SLC26A8: variants seen among roughly 807,000 people sequenced by gnomAD.
The protein encoded by SLC26A8 is solute carrier family 26 member 8, also known as testis anion transporter 1.
Under a neutral mutation model 105.0 loss-of-function variants are expected in SLC26A8, and 70 were observed. The ratio of observed to expected loss-of-function variants is 0.67; its 90% CI spans 0.55 to 0.81. The LOEUF (loss-of-function observed/expected upper bound fraction) is 0.81, where lower values mean the gene tolerates loss of function less well. Ranked by LOEUF, SLC26A8 falls within the 40% of genes least tolerant of loss-of-function variation. The pLI, the probability that SLC26A8 is intolerant of heterozygous loss-of-function variation, is 0.00. For missense variants in SLC26A8, 998 were observed against 1,181.8 expected, an observed-to-expected ratio of 0.84 and a Z score of 2.28; for synonymous variants, 415 against 438.3, an observed-to-expected ratio of 0.95 and a Z score of 0.66.
intron 1 of SLC26A8, 85 bp downstream of exon 1, chr6:36,024,419 C>T (rs758135272): frequency 8.9e-6 from 4 of 450,654 alleles, no homozygotes; most frequent in South Asian, 4.7e-5. Flanking sequence ...CTGCGGCATA[C>T]CTGGGTACCT....
Position 36,004,521 on chromosome 6 carries a change from C to A in SLC26A8, c.329-4413G>T, listed in dbSNP as rs140108464. Among the ~76,000 whole-genome samples, 235 of 151,388 alleles carry A rather than the reference C, an allele frequency of 1.6e-3. 2 individuals are homozygous for A. Among genetic ancestry groups the A allele is most frequent in the Middle Eastern group, 0.014 (4 of 294 alleles). ...AATTTTCTTTATATTCTTTTGAATT[C>A]TTTGCATAAAAATCATCTGTGAATA... On this transcript the variant is annotated intron_variant, in intron 3 of 19. Coordinates refer to ENST00000490799, the MANE Select transcript of SLC26A8 (RefSeq NM_052961.4).
rs549919989 is a variant in SLC26A8 at position 35,974,186 on chromosome 6, C to T, written c.1287+1189G>A. Among the ~76,000 whole-genome samples, 8 of 152,192 alleles carry T rather than the reference C, an allele frequency of 5.3e-5. No individual in the cohort carries two copies. The East Asian group carries it at 1.2e-3, about 22-fold the overall frequency. On this transcript the variant is annotated intron_variant, in intron 10 of 19. Transcript: ENST00000490799. ...TACAAATGTTAGCTGGATGTCGTGG[C>T]GGATGCCTGTAATCCCAGCTACTCG...
chr6:35,950,805 G>A (rs62403677), intron 19 of SLC26A8, among the ~76,000 whole-genome samples: 9 of 152,124 alleles, frequency 5.9e-5, no homozygotes, highest in Admixed American at 5.9e-4. Flanking sequence ...AGCTAGGGGA[G>A]ACATTTAGAA....
rs779362379 is a variant in SLC26A8, at chr6:35,992,596, C to T, written c.706G>A (p.Val236Met). 2.5e-6 allele frequency: 4 copies of T among 1,614,122 alleles called. No homozygotes were observed. The South Asian group carries it at 4.4e-5, about 18-fold the overall frequency. ...ESAMSAYLAA[V>M]ALHIMLSQLT... ...TGGGACAGCATGATATGAAGTGCCACAGCAGCCAGGTAAGCACTCATTGCA... is the reference window on the plus strand; with the variant it reads ...TGGGACAGCATGATATGAAGTGCCATAGCAGCCAGGTAAGCACTCATTGCA... Residue 236 changes from valine to methionine, a missense_variant, in exon 6 of 20, where the codon GTG (valine) becomes ATG (methionine). Physicochemically the swap from Val to Met is conservative, Grantham distance 21. Transcript: ENST00000490799.
chr6:36,003,642 A>C (rs1383739159), intron 3 of SLC26A8, among the ~76,000 whole-genome samples: 1 of 150,536 alleles, frequency 6.6e-6, no homozygotes, highest in African/African-American at 2.4e-5. Context: ...GTTTATGATA[A>C]TAATTTCTTT....
intron 15 of SLC26A8, 38 bp downstream of exon 15, chr6:35,959,676 G>A (rs757854821): frequency 1.9e-6 from 3 of 1,604,148 alleles, no homozygotes; most frequent in Non-Finnish European, 2.6e-6. Context: ...GTGGCGGGGA[G>A]TGGGCAGGTT....
At chr6:35,949,952 C>T (rs1024550132) in intron 19 of SLC26A8, among the ~76,000 whole-genome samples, 23 of 151,964 alleles carry the variant, frequency 1.5e-4, no homozygotes, top group African/African-American at 5.1e-4. Context: ...ACTACAGGCG[C>T]GTGCCACCAC....
chr6:35,944,724 A>G (rs1771607609), intron 19 of SLC26A8, among the ~76,000 whole-genome samples: 1 of 151,898 alleles, frequency 6.6e-6, no homozygotes, highest in Admixed American at 6.6e-5. Context: ...AAACAAACAA[A>G]AAAACCCAGA....
chr6:35,977,295 G>C lies in SLC26A8; in HGVS notation c.1082C>G (p.Ala361Gly), dbSNP rs753567658. The change falls in exon 9 of 20, where the codon GCC (alanine) becomes GGC (glycine). Residue 361 changes from alanine to glycine, a missense_variant. By Grantham distance (60) the Ala-to-Gly change is moderately conservative (BLOSUM62 0). Transcript: ENST00000490799. ...FSLLPKIILQ[A>G]FSLSLVSSFL... ...GGAGCTCACCAAAGATAAGGAGAAG[G>C]CTTGTAAAATTATCTTGGGAAGAAG... The C allele has an allele frequency of 6.2e-7, 1 of 1,613,894 alleles. No individual in the cohort carries two copies. Among genetic ancestry groups the C allele is most frequent in the African/African-American group, 1.3e-5 (1 of 74,904 alleles).
At chr6:36,014,047 G>T (rs1761933036) in intron 2 of SLC26A8, among the ~76,000 whole-genome samples, 1 of 152,224 alleles carries the variant, frequency 6.6e-6, no homozygotes, top group Non-Finnish European at 1.5e-5. Flanking sequence ...CGGCAGCCAT[G>T]AGTAAGACCA....
In SLC26A8 at chr6:35,949,908, C is replaced by A. The variant is rs148600629; in HGVS notation, c.2472+1255G>T. On this transcript the variant is annotated intron_variant, in intron 19 of 19. Transcript: ENST00000490799. Reference sequence around the variant, plus strand: ...GCAACCTCTGCCTCCTGGGTTCAAGCGATTCTCCTGCCTCAGCCTCCCAAG... The same window carrying A: ...GCAACCTCTGCCTCCTGGGTTCAAGAGATTCTCCTGCCTCAGCCTCCCAAG... Among the ~76,000 whole-genome samples, 4 of 151,648 alleles carry A rather than the reference C, an allele frequency of 2.6e-5. No homozygotes were observed. In the East Asian group the frequency reaches 7.8e-4, roughly 30 times the overall value.
chr6:35,982,290 T>A, intron 7 of SLC26A8, 87 bp from the exon 8 acceptor site: 2 of 1,306,362 alleles, frequency 1.5e-6, no homozygotes, highest in African/African-American at 1.5e-5. Context: ...GCCCATTGCC[T>A]CTGGCAGGAC....
At chr6:36,017,754 A>T (rs1480364870) in intron 2 of SLC26A8, among the ~76,000 whole-genome samples, 1 of 152,226 alleles carries the variant, frequency 6.6e-6, no homozygotes, top group Non-Finnish European at 1.5e-5. Flanking sequence ...ATTATATAAG[A>T]TTTACAAACA....
chr6:35,953,903 G>A (rs1176081636), intron 17 of SLC26A8, among the ~76,000 whole-genome samples: 6 of 152,124 alleles, frequency 3.9e-5, no homozygotes, highest in East Asian at 1.9e-4. Context: ...AGAGGCAGTC[G>A]TATTCCCTTA....
In SLC26A8 at chr6:35,959,443, GAA is replaced by G. The variant is rs779366030; in HGVS notation, c.1863+15_1863+16del. On this transcript the variant is annotated intron_variant, in intron 16 of 19. Coordinates refer to ENST00000490799, the MANE Select transcript of SLC26A8 (RefSeq NM_052961.4). ...AAAATATGGAGAAAAACATAGGAAA[GAA>G]AAGGCATTTCTAACCCTGGGCAGCG... The G allele has an allele frequency of 1.3e-6, 2 of 1,588,190 alleles. No homozygotes were observed. The highest frequency in any genetic ancestry group is 1.7e-6 in the Non-Finnish European group (2 of 1,172,692).
At chr6:36,007,891 C>T (rs897012636) in intron 3 of SLC26A8, among the ~76,000 whole-genome samples, 4 of 151,810 alleles carry the variant, frequency 2.6e-5, no homozygotes, top group Non-Finnish European at 5.9e-5. Context: ...GAGGCCAAGG[C>T]GGGCAGATCA....
At chr6:35,953,311 G>A (rs532789420) in intron 17 of SLC26A8, among the ~76,000 whole-genome samples, 14 of 152,124 alleles carry the variant, frequency 9.2e-5, no homozygotes, top group Non-Finnish European at 1.6e-4. Context: ...ACAAAAAGAG[G>A]AGGAGCAAGG....
chr6:35,961,607 T>A (rs1464451780), intron 12 of SLC26A8, among the ~76,000 whole-genome samples: 1 of 152,226 alleles, frequency 6.6e-6, no homozygotes, highest in Non-Finnish European at 1.5e-5. Context: ...ATACTCAATG[T>A]TTCCTCATTC....
At chr6:35,998,563 AAAAAAGAAAAG>A (rs1761427234) in intron 4 of SLC26A8, among the ~76,000 whole-genome samples, 1 of 151,960 alleles carries the variant, frequency 6.6e-6, no homozygotes, top group African/African-American at 2.4e-5. Flanking sequence ...CTCAAAAAAA[AAAAAAGAAAAG>A]AAAAGAAAAG....
Sources: gnomAD v4.1 joint callset for allele counts (sites outside exome capture counted in the v4.1 genomes callset) on GRCh38, gnomAD v4.1.1 for gene constraint, MANE v1.5 for transcripts, NCBI Gene and HGNC (gene_info 2026-07-23, HGNC 2026-07-21) for gene names.